Variants in SLC38A9 observed in about 807,000 individuals in gnomAD.
SLC38A9 encodes solute carrier family 38 member 9.
Under a neutral mutation model 62.3 loss-of-function variants are expected in SLC38A9, and 48 were observed. The observed-to-expected ratio is 0.77, with a 90% CI of 0.61 to 0.98. The LOEUF (loss-of-function observed/expected upper bound fraction) is 0.98, where lower values mean the gene tolerates loss of function less well. Among genes scored for constraint, SLC38A9 ranks in the 50% least tolerant of loss-of-function variants. The pLI is 0.00. For missense variants in SLC38A9, 541 were observed against 679.8 expected (o/e 0.80, Z 2.27); for synonymous variants, 204 against 227.7 (o/e 0.90, Z 0.94).
chr5:55,683,057 C>T (rs1215970961), intron 3 of SLC38A9, among the ~76,000 whole-genome samples: 1 of 151,904 alleles, frequency 6.6e-6, no homozygotes, highest in Non-Finnish European at 1.5e-5. Context: ...GGCAGGCAGA[C>T]AGACAACTAG....
chr5:55,666,942 G>A lies in SLC38A9; in HGVS notation c.527-2079C>T, dbSNP rs146848762. 1.1e-3 allele frequency among the ~76,000 whole-genome samples: 171 copies of A among 152,098 alleles called. 3 individuals are homozygous for A. In the East Asian group the frequency reaches 0.029, roughly 25 times the overall value. On this transcript the variant is annotated intron_variant, in intron 7 of 15. Transcript: ENST00000396865. ...AGGCAGGAGAATGGCGTGAACCTGG[G>A]AGGCCAAGTTTGCAGTAAGCTGAGA...
intron 9 of SLC38A9, among the ~76,000 whole-genome samples, chr5:55,655,149 T>G (rs1194897210): frequency 6.6e-6 from 1 of 152,160 alleles, no homozygotes; most frequent in East Asian, 1.9e-4. Context: ...AGCTAAAATT[T>G]TTTACACTAA....
chr5:55,678,155 T>TTTTTTTA (rs1752458489), intron 3 of SLC38A9, among the ~76,000 whole-genome samples: 26 of 149,930 alleles, frequency 1.7e-4, no homozygotes, highest in South Asian at 6.5e-4. Flanking sequence ...TTTCTTTTTT[T>TTTTTTTA]GAGACAGTCT....
In SLC38A9 at chr5:55,664,689, T is replaced by C; in HGVS notation, c.697+4A>G. ...TGTTAAAAGCATATGATATAGATAC[T>C]TACTAAAAATAAACTTTCCAGTATT... On this transcript the variant is annotated splice_donor_region_variant and intron_variant, in intron 8 of 15. Coordinates refer to ENST00000396865, the MANE Select transcript of SLC38A9 (RefSeq NM_173514.4). The C allele has an allele frequency of 6.8e-7, 1 of 1,476,524 alleles. No homozygotes were observed. The highest frequency in any genetic ancestry group is 9.1e-7 in the Non-Finnish European group (1 of 1,093,746). 91.5% of individuals were successfully genotyped at this position (1,476,524 alleles called of 1,614,324 possible).
chr5:55,696,799 C>G (rs1476870903), intron 3 of SLC38A9: 1 of 159,544 alleles, frequency 6.3e-6, no homozygotes, highest in Admixed American at 6.5e-5. Flanking sequence ...CTCCTCACTT[C>G]TCATACGGGG....
chr5:55,645,623 C>A (rs562463132), intron 12 of SLC38A9, among the ~76,000 whole-genome samples, 166 bp downstream of exon 12: 22 of 152,226 alleles, frequency 1.4e-4, no homozygotes, highest in African/African-American at 5.3e-4. Flanking sequence ...TCATCTGAAC[C>A]TTTACAGAAA....
chr5:55,673,840 T>C (rs1751713430), intron 3 of SLC38A9, among the ~76,000 whole-genome samples: 1 of 151,648 alleles, frequency 6.6e-6, no homozygotes, highest in Non-Finnish European at 1.5e-5. Flanking sequence ...GCCTCCAGAG[T>C]AGCTGGGACT....
intron 8 of SLC38A9, among the ~76,000 whole-genome samples, chr5:55,661,935 T>A (rs1388545604): frequency 6.6e-6 from 1 of 151,940 alleles, no homozygotes; most frequent in East Asian, 1.9e-4. Flanking sequence ...CCACTCCTTA[T>A]GAGGAGAAAT....
Position 55,661,090 on chromosome 5 carries a change from ATT to A in SLC38A9, c.697+3601_697+3602del, listed in dbSNP as rs397949701. On this transcript the variant is annotated intron_variant, in intron 8 of 15. Coordinates refer to ENST00000396865, the MANE Select transcript of SLC38A9 (RefSeq NM_173514.4). ...AGATCTTTATCAAGAAAAACTTAAAATTTTTTTTAAAGACCTAAATAAACAAA... is the reference window on the plus strand; with the variant it reads ...AGATCTTTATCAAGAAAAACTTAAAATTTTTTAAAGACCTAAATAAACAAA... Among the ~76,000 whole-genome samples, 10 of 152,024 alleles carry A rather than the reference ATT, an allele frequency of 6.6e-5. No individual in the cohort carries two copies. The East Asian group carries it at 1.4e-3, about 21-fold the overall frequency.
chr5:55,678,964 G>A (rs1444928525), intron 3 of SLC38A9, among the ~76,000 whole-genome samples: 1 of 152,004 alleles, frequency 6.6e-6, no homozygotes. Flanking sequence ...CTGGCCTGGA[G>A]TAAACTTTGA....
At chr5:55,690,777 C>A (rs1287753684) in intron 3 of SLC38A9, among the ~76,000 whole-genome samples, 1 of 152,168 alleles carries the variant, frequency 6.6e-6, no homozygotes, top group Non-Finnish European at 1.5e-5. Context: ...CCCAAAGGAA[C>A]TTTTTGTAAA....
At chr5:55,688,579 A>C (rs904673493) in intron 3 of SLC38A9, among the ~76,000 whole-genome samples, 4 of 151,556 alleles carry the variant, frequency 2.6e-5, no homozygotes, top group Non-Finnish European at 5.9e-5. Flanking sequence ...ACGGGGTTTC[A>C]CTGTGTTAGC....
intron 3 of SLC38A9, among the ~76,000 whole-genome samples, chr5:55,692,150 G>A (rs555392737): frequency 6.6e-6 from 1 of 152,282 alleles, no homozygotes; most frequent in Admixed American, 6.5e-5. Flanking sequence ...ATTTAAACTA[G>A]TTGGTATTTA....
chr5:55,689,994 A>G (rs1237030841), intron 3 of SLC38A9, among the ~76,000 whole-genome samples: 1 of 152,206 alleles, frequency 6.6e-6, no homozygotes, highest in East Asian at 1.9e-4. Context: ...CAGGCAAGCA[A>G]TTATGGATAC....
rs772082435 is a variant in SLC38A9 at position 55,626,565 on chromosome 5, G to A, written c.1615C>T (p.Pro539Ser). Residue 539 changes from proline (P) to serine (S), a missense_variant, in exon 16 of 16, where the codon CCT (proline) becomes TCT (serine). By Grantham distance (74) the Pro-to-Ser change is moderately conservative. Transcript: ENST00000396865. Reference sequence around the variant, plus strand: ...ATGAAAACGTGGAAGATTAATTTAGGCCATGTCAGACGCTCTTCTTGGTGG... The same window carrying A: ...ATGAAAACGTGGAAGATTAATTTAGACCATGTCAGACGCTCTTCTTGGTGG... ...SLHQEERLTW[P>S]KLIFHVFIII... 6.2e-7 allele frequency: 1 copy of A among 1,613,574 alleles called. No individual in the cohort carries two copies. Among genetic ancestry groups the A allele is most frequent in the Non-Finnish European group, 8.5e-7 (1 of 1,179,752 alleles).
intron 15 of SLC38A9, among the ~76,000 whole-genome samples, chr5:55,627,152 T>G (rs1742582660): frequency 6.6e-6 from 1 of 152,180 alleles, no homozygotes; most frequent in Non-Finnish European, 1.5e-5. Flanking sequence ...TTTCTTCTCC[T>G]TTTCTCTATA....
chr5:55,652,813 A>G, intron 9 of SLC38A9, 90 bp from the exon 10 acceptor site: 1 of 1,041,970 alleles, frequency 9.6e-7, no homozygotes, highest in Non-Finnish European at 1.4e-6. Context: ...CTAGAGACAG[A>G]CACTTGCTCT....
chr5:55,690,161 G>A (rs1754519526), intron 3 of SLC38A9, among the ~76,000 whole-genome samples: 1 of 152,058 alleles, frequency 6.6e-6, no homozygotes, highest in Non-Finnish European at 1.5e-5. Flanking sequence ...TGCTTTTGTA[G>A]AAATTTGCTA....
At chr5:55,658,449 C>T (rs544865287) in intron 8 of SLC38A9, among the ~76,000 whole-genome samples, 34 of 152,316 alleles carry the variant, frequency 2.2e-4, no homozygotes, top group Non-Finnish European at 4.9e-4. Context: ...CCACCGCGCC[C>T]AGCCCAATTT....
Sources: gnomAD v4.1 joint callset for allele counts (sites outside exome capture counted in the v4.1 genomes callset) on GRCh38, gnomAD v4.1.1 for gene constraint, MANE v1.5 for transcripts, NCBI Gene and HGNC (gene_info 2026-07-23, HGNC 2026-07-21) for gene names.